Variants in USH2A observed in about 807,000 individuals in gnomAD.
The protein encoded by USH2A is usherin, also known as Usher syndrome 2A (autosomal recessive, mild).
USH2A carries 443 observed loss-of-function variants against 538.9 expected under a neutral mutation model. That is an observed-to-expected ratio of 0.82 (90% CI 0.76 to 0.89). The LOEUF (loss-of-function observed/expected upper bound fraction) is 0.89. USH2A is among the 40% of genes least tolerant of loss of function. USH2A has a pLI of 0.00. For missense variants in USH2A, 6,633 were observed against 6,324.8 expected, an observed-to-expected ratio of 1.05 and a Z score of -1.65; for synonymous variants, 2,413 against 2,273.5, an observed-to-expected ratio of 1.06 and a Z score of -1.75.
At chr1:215,756,016 G>A (rs889096845) in intron 58 of USH2A, among the ~76,000 whole-genome samples, 9 of 151,922 alleles carry the variant, frequency 5.9e-5, no homozygotes, top group African/African-American at 2.2e-4. Flanking sequence ...GCAAATGTTG[G>A]AACAAATACG....
chr1:215,716,375 C>T (rs558331106), intron 61 of USH2A, among the ~76,000 whole-genome samples: 1 of 152,278 alleles, frequency 6.6e-6, no homozygotes, highest in Non-Finnish European at 1.5e-5. Context: ...CTTATAGAAA[C>T]CAACCCATTA....
chr1:215,941,479 T>C (rs1666632175), intron 37 of USH2A, among the ~76,000 whole-genome samples: 1 of 152,144 alleles, frequency 6.6e-6, no homozygotes, highest in Admixed American at 6.5e-5. Flanking sequence ...GCAAACTTTT[T>C]TCCAGCTGAA....
chr1:216,150,080 G>A (rs1046375850), intron 21 of USH2A, among the ~76,000 whole-genome samples: 2 of 151,948 alleles, frequency 1.3e-5, no homozygotes, highest in South Asian at 2.1e-4. Context: ...AGGGCTTTAC[G>A]AAGTCACCCC....
At chr1:216,416,164 C>T (rs1327664344) in intron 3 of USH2A, among the ~76,000 whole-genome samples, 1 of 151,506 alleles carries the variant, frequency 6.6e-6, no homozygotes, top group East Asian at 1.9e-4. Flanking sequence ...GAAACTCTGT[C>T]TCAAAAAAAA....
chr1:216,359,850 A>G (rs1029986873), intron 4 of USH2A, among the ~76,000 whole-genome samples: 2 of 152,124 alleles, frequency 1.3e-5, no homozygotes, highest in African/African-American at 4.8e-5. Flanking sequence ...AATGAAGTTC[A>G]AAAACAATAC....
rs545345600 is a variant in USH2A, at chr1:216,232,207, A to G, written c.2810-71T>C. 56 of 1,494,260 alleles carry G rather than the reference A, an allele frequency of 3.7e-5. No homozygotes were observed. In the African/African-American group the frequency reaches 6.7e-4, roughly 18 times the overall value. 92.6% of individuals were successfully genotyped at this position (1,494,260 alleles called of 1,614,324 possible). A position where few individuals can be genotyped will look rare whatever the true frequency, so the allele number is the denominator to read the frequency against. ...TCTTTTATTTAAAGCATAATAATTG[A>G]TTACACAGAAAAACAGAATACTCTA... is the stretch of plus-strand genomic sequence containing the variant. On this transcript the variant is annotated intron_variant, in intron 13 of 71. Transcript: ENST00000307340.
At chr1:216,102,158 T>C (rs1287446669) in intron 21 of USH2A, among the ~76,000 whole-genome samples, 1 of 151,508 alleles carries the variant, frequency 6.6e-6, no homozygotes, top group Non-Finnish European at 1.5e-5. Context: ...GCAATACATA[T>C]ATCTGATACC....
At chr1:216,154,599 T>C (rs182321575) in intron 21 of USH2A, among the ~76,000 whole-genome samples, 347 of 152,330 alleles carry the variant, frequency 2.3e-3, no homozygotes, top group African/African-American at 7.7e-3. Context: ...TTTTGACAGA[T>C]GTACACACTT....
chr1:215,637,822 T>C (rs1656544186), intron 69 of USH2A, among the ~76,000 whole-genome samples: 1 of 151,884 alleles, frequency 6.6e-6, no homozygotes, highest in South Asian at 2.1e-4. Flanking sequence ...TTGGACATGT[T>C]TATTTTTCAA....
chr1:216,244,881 T>C (rs1472557573), intron 13 of USH2A, among the ~76,000 whole-genome samples: 1 of 152,182 alleles, frequency 6.6e-6, no homozygotes, highest in East Asian at 1.9e-4. Flanking sequence ...CAATTAAAGT[T>C]AGACTGGAAC....
intron 32 of USH2A, among the ~76,000 whole-genome samples, chr1:216,004,998 A>T (rs560473968): frequency 6.6e-6 from 1 of 152,298 alleles, no homozygotes; most frequent in South Asian, 2.1e-4. Flanking sequence ...ACCATTTACC[A>T]TGAGTGATCT....
chr1:215,859,622 GACTTGAGTATGC>G (rs1326237064), intron 44 of USH2A, among the ~76,000 whole-genome samples: 1 of 152,028 alleles, frequency 6.6e-6, no homozygotes, highest in African/African-American at 2.4e-5. Context: ...CTGACTGCTG[GACTTGAGTATGC>G]ACAGCTTTGG....
chr1:216,150,507 T>C (rs1384002395), intron 21 of USH2A, among the ~76,000 whole-genome samples: 1 of 152,064 alleles, frequency 6.6e-6, no homozygotes, highest in Non-Finnish European at 1.5e-5. Context: ...TTTCCCTTTC[T>C]TCCAGTGCCT....
intron 70 of USH2A, among the ~76,000 whole-genome samples, chr1:215,633,870 C>A (rs1314201983): frequency 6.6e-6 from 1 of 152,106 alleles, no homozygotes; most frequent in Admixed American, 6.5e-5. Context: ...GGCCCTCTCC[C>A]ACTAGACCTT....
chr1:216,118,852 A>G (rs1021201741), intron 21 of USH2A, among the ~76,000 whole-genome samples: 1 of 152,200 alleles, frequency 6.6e-6, no homozygotes, highest in Non-Finnish European at 1.5e-5. Flanking sequence ...ACATCCACAG[A>G]AAAAAGCAAG....
chr1:216,170,900 C>T (rs762923876), intron 21 of USH2A, among the ~76,000 whole-genome samples: 13 of 151,980 alleles, frequency 8.6e-5, no homozygotes, highest in Non-Finnish European at 1.3e-4. Context: ...GCTCTATTTG[C>T]TATTTCTGTG....
chr1:216,028,816 TTACA>T (rs1669027802), intron 32 of USH2A, among the ~76,000 whole-genome samples: 1 of 152,088 alleles, frequency 6.6e-6, no homozygotes, highest in South Asian at 2.1e-4. Context: ...ACACAAAATG[TTACA>T]TAAAAGAATG....
chr1:215,990,964 T>G (rs1267090370), intron 35 of USH2A, among the ~76,000 whole-genome samples: 1 of 151,998 alleles, frequency 6.6e-6, no homozygotes, highest in Non-Finnish European at 1.5e-5. Context: ...AGTTTCGCTG[T>G]GTTAGCCAGG....
At chr1:215,766,158 T>G (rs1411110806) in intron 56 of USH2A, among the ~76,000 whole-genome samples, 1 of 152,206 alleles carries the variant, frequency 6.6e-6, no homozygotes. Flanking sequence ...TTTGTTGTGG[T>G]CCATCTCAGA....
Sources: gnomAD v4.1 joint callset for allele counts (sites outside exome capture counted in the v4.1 genomes callset) on GRCh38, gnomAD v4.1.1 for gene constraint, MANE v1.5 for transcripts, NCBI Gene and HGNC (gene_info 2026-07-23, HGNC 2026-07-21) for gene names.